Variants in MLIP observed in about 807,000 individuals in gnomAD.
MLIP encodes the protein muscular LMNA interacting protein.
In MLIP, 79 loss-of-function variants were observed where a neutral mutation model predicts 84.8. That is an observed-to-expected ratio of 0.93 (90% CI 0.78 to 1.12). MLIP has a LOEUF of 1.12. MLIP is among the 50% of genes most tolerant of loss of function. The pLI is 0.00. For missense variants in MLIP, 1,257 were observed against 1,160.6 expected, an observed-to-expected ratio of 1.08 and a Z score of -1.21; for synonymous variants, 504 against 463.0, an observed-to-expected ratio of 1.09 and a Z score of -1.14.
intron 1 of MLIP, among the ~76,000 whole-genome samples, chr6:54,029,943 G>A (rs1369480534): frequency 6.6e-6 from 1 of 152,080 alleles, no homozygotes; most frequent in Non-Finnish European, 1.5e-5. Flanking sequence ...TTGCCTCACA[G>A]AGCTGTCAGA....
chr6:54,026,172 G>A (rs1055444024), intron 1 of MLIP, among the ~76,000 whole-genome samples: 2 of 152,110 alleles, frequency 1.3e-5, no homozygotes, highest in African/African-American at 2.4e-5. Flanking sequence ...TCTTAGGGAG[G>A]TAAGACATTT....
intron 13 of MLIP, among the ~76,000 whole-genome samples, chr6:54,264,728 A>T (rs1783588942): frequency 6.6e-6 from 1 of 152,096 alleles, no homozygotes; most frequent in Non-Finnish European, 1.5e-5. Context: ...ATTAATGAGC[A>T]GATGTACTTG....
At chr6:54,156,977 G>C (rs939657938) in intron 5 of MLIP, among the ~76,000 whole-genome samples, 2 of 152,118 alleles carry the variant, frequency 1.3e-5, no homozygotes, top group Admixed American at 6.6e-5. Context: ...AAAGGAGTTT[G>C]ATTTGGATCT....
intron 3 of MLIP, among the ~76,000 whole-genome samples, chr6:54,131,096 G>A (rs1771337472): frequency 6.6e-6 from 1 of 152,148 alleles, no homozygotes; most frequent in African/African-American, 2.4e-5. Flanking sequence ...AGAAGTTAGT[G>A]GGAAGTGAAT....
intron 11 of MLIP, among the ~76,000 whole-genome samples, chr6:54,213,734 A>AC (rs1554185765): frequency 0.16 from 13,086 of 82,410 alleles, 2,962 homozygotes; most frequent in East Asian, 0.35. Flanking sequence ...AAAAAAAAAA[A>AC]AACAACAAAC....
At chr6:54,210,948 A>C (rs897980511) in intron 11 of MLIP, among the ~76,000 whole-genome samples, 1 of 152,092 alleles carries the variant, frequency 6.6e-6, no homozygotes, top group Non-Finnish European at 1.5e-5. Flanking sequence ...TATGTAATAA[A>C]GTTGGGAGGG....
At chr6:54,264,325 C>CA (rs1642060042) in intron 13 of MLIP, among the ~76,000 whole-genome samples, 1 of 152,046 alleles carries the variant, frequency 6.6e-6, no homozygotes, top group South Asian at 2.1e-4. Context: ...CTCCTGGTAA[C>CA]AGAGTTCACC....
At chr6:54,125,483 T>G (rs1435966555) in intron 3 of MLIP, among the ~76,000 whole-genome samples, 1 of 152,162 alleles carries the variant, frequency 6.6e-6, no homozygotes, top group Non-Finnish European at 1.5e-5. Flanking sequence ...ATGGTTCTTT[T>G]AAGGTAGAGA....
chr6:54,187,022 A>C (rs563968360), intron 9 of MLIP, among the ~76,000 whole-genome samples: 50 of 152,154 alleles, frequency 3.3e-4, no homozygotes, highest in Non-Finnish European at 6.6e-4. Flanking sequence ...AAAAAGAAAA[A>C]AGATAATTTA....
chr6:54,137,162 C>A lies in MLIP; in HGVS notation c.1093C>A (p.Pro365Thr), dbSNP rs769029125. The change falls in exon 4 of 14, where the codon CCA becomes ACA. Residue 365 changes from proline to threonine, a missense_variant. Transcript: ENST00000502396. Reference protein sequence around the residue: ...SLKSNSASYIPVRIVTHSLSP... With the variant: ...SLKSNSASYITVRIVTHSLSP... ...GAAGTCGAATTCGGCCTCGTACATA[C>A]CAGTCCGCATTGTCACGCATTCACT... is the stretch of plus-strand genomic sequence containing the variant. 9 of 1,536,000 alleles carry A rather than the reference C, an allele frequency of 5.9e-6. No homozygotes were observed. The highest frequency in any genetic ancestry group is 1.4e-5 in the African/African-American group (1 of 73,032).
At chr6:54,075,852 T>C (rs1766773255) in intron 1 of MLIP, among the ~76,000 whole-genome samples, 1 of 152,214 alleles carries the variant, frequency 6.6e-6, no homozygotes, top group Admixed American at 6.5e-5. Context: ...ATCTGCCAGG[T>C]GACACCCTCA....
intron 3 of MLIP, among the ~76,000 whole-genome samples, chr6:54,134,181 G>A (rs1014752334): frequency 1.3e-5 from 2 of 151,966 alleles, no homozygotes; most frequent in Non-Finnish European, 2.9e-5. Flanking sequence ...GTAAAATGAA[G>A]GACTGATTCT....
chr6:54,233,049 T>C (rs1407875637), intron 12 of MLIP, among the ~76,000 whole-genome samples: 1 of 152,246 alleles, frequency 6.6e-6, no homozygotes, highest in African/African-American at 2.4e-5. Flanking sequence ...GGGAACTTTA[T>C]AACTGGGTGC....
intron 8 of MLIP, among the ~76,000 whole-genome samples, chr6:54,167,829 C>T (rs1775350935): frequency 6.6e-6 from 1 of 151,782 alleles, no homozygotes; most frequent in African/African-American, 2.4e-5. Flanking sequence ...GGCTGAAGAC[C>T]ATGTGTCTTC....
intron 1 of MLIP, among the ~76,000 whole-genome samples, chr6:54,072,291 T>C (rs1252159662): frequency 6.6e-6 from 1 of 152,180 alleles, no homozygotes; most frequent in Non-Finnish European, 1.5e-5. Context: ...AAGAAACCTT[T>C]TAAAAACCCA....
chr6:54,022,752 T>C (rs916533846), intron 1 of MLIP, among the ~76,000 whole-genome samples: 1 of 152,144 alleles, frequency 6.6e-6, no homozygotes, highest in Non-Finnish European at 1.5e-5. Context: ...AATGGTTTCT[T>C]TAAGAGATTA....
intron 12 of MLIP, among the ~76,000 whole-genome samples, chr6:54,240,927 A>T (rs955228843): frequency 5.9e-5 from 9 of 152,050 alleles, no homozygotes; most frequent in Admixed American, 2.0e-4. Flanking sequence ...AGTGAGCCCA[A>T]ATCGCGCCAC....
At chr6:54,106,036 A>T (rs1214488731) in intron 1 of MLIP, among the ~76,000 whole-genome samples, 1 of 152,158 alleles carries the variant, frequency 6.6e-6, no homozygotes, top group Non-Finnish European at 1.5e-5. Context: ...GGTTCCCAGG[A>T]AGCAGGCTCT....
intron 10 of MLIP, among the ~76,000 whole-genome samples, chr6:54,190,517 T>C (rs1614889): frequency 0.94 from 143,420 of 152,144 alleles, 68,176 homozygotes; most frequent in East Asian, 1. Context: ...GTATAAAAAT[T>C]GAGATATTTT....
Sources: allele counts gnomAD v4.1 joint callset (sites outside exome capture counted in the v4.1 genomes callset), GRCh38; gene constraint gnomAD v4.1.1; transcripts MANE v1.5; gene names NCBI Gene and HGNC (gene_info 2026-07-23, HGNC 2026-07-21).